FGGY: variants seen among roughly 807,000 people sequenced by gnomAD.
FGGY encodes the protein FGGY carbohydrate kinase domain containing.
A neutral mutation model predicts 71.3 loss-of-function variants in FGGY; 72 were observed. The observed-to-expected ratio is 1.01, with a 90% confidence interval of 0.84 to 1.23. The LOEUF is 1.23. FGGY is among the 50% of genes most tolerant of loss of function. The pLI, the probability that FGGY is intolerant of heterozygous loss-of-function variation, is 0.00. For missense variants in FGGY, 668 were observed against 682.3 expected, an observed-to-expected ratio of 0.98 and a Z score of 0.23; for synonymous variants, 251 against 250.3, an observed-to-expected ratio of 1.00 and a Z score of -0.02.
At chr1:59,694,934 T>A (rs1343911464) in intron 14 of FGGY, among the ~76,000 whole-genome samples, 1 of 152,220 alleles carries the variant, frequency 6.6e-6, no homozygotes, top group Non-Finnish European at 1.5e-5. Flanking sequence ...TTCCCAAATT[T>A]ACTTGATCGA....
chr1:59,710,830 T>C (rs989804858), intron 14 of FGGY, among the ~76,000 whole-genome samples: 2 of 152,196 alleles, frequency 1.3e-5, no homozygotes, highest in Admixed American at 6.5e-5. Flanking sequence ...GGAACACTTT[T>C]ACACTGTTTT....
At chr1:59,546,314 C>T (rs2095518590) in intron 7 of FGGY, among the ~76,000 whole-genome samples, 1 of 147,000 alleles carries the variant, frequency 6.8e-6, no homozygotes, top group Non-Finnish European at 1.5e-5. Context: ...TTCCAGTGCC[C>T]TTGCTTTGAA....
intron 11 of FGGY, among the ~76,000 whole-genome samples, chr1:59,658,066 C>T (rs1401661733): frequency 6.6e-6 from 1 of 152,128 alleles, no homozygotes; most frequent in Non-Finnish European, 1.5e-5. Context: ...GTTCACAGTG[C>T]TGAGTGAATT....
chr1:59,724,995 A>G (rs1472386714), intron 14 of FGGY, among the ~76,000 whole-genome samples: 1 of 152,108 alleles, frequency 6.6e-6, no homozygotes, highest in Non-Finnish European at 1.5e-5. Flanking sequence ...AATTTTTTTC[A>G]TGGATTATGC....
At chr1:59,674,160 T>A (rs1407385576) in intron 14 of FGGY, 27 bp downstream of exon 14, 1 of 1,573,836 alleles carries the variant, frequency 6.4e-7, no homozygotes, top group Admixed American at 1.7e-5. Context: ...GGGTGGGCTG[T>A]GGCTCCTCCC....
chr1:59,714,132 C>T (rs1352079416), intron 14 of FGGY, among the ~76,000 whole-genome samples: 2 of 152,100 alleles, frequency 1.3e-5, no homozygotes, highest in African/African-American at 4.8e-5. Flanking sequence ...AATAACATTC[C>T]CTTTCCTTCC....
At position 59,333,527 on chromosome 1, in the gene FGGY, G is replaced by A. The variant is rs374594744; in HGVS notation, c.202-6431G>A. ...CTGACTTCACAAAGTTATATAACTCGGAAATAGTAGAACCAGATTTCAGAC... is the reference window on the plus strand; with the variant it reads ...CTGACTTCACAAAGTTATATAACTCAGAAATAGTAGAACCAGATTTCAGAC... On this transcript the variant is annotated intron_variant, in intron 2 of 15. Transcript: ENST00000303721. Among the ~76,000 whole-genome samples, 8 of 152,146 alleles carry A rather than the reference G, an allele frequency of 5.3e-5. No individual in the cohort carries two copies. In the East Asian group the frequency reaches 7.7e-4, roughly 15 times the overall value.
At chr1:59,744,219 C>G (rs560501534) in intron 14 of FGGY, among the ~76,000 whole-genome samples, 1 of 152,250 alleles carries the variant, frequency 6.6e-6, no homozygotes, top group African/African-American at 2.4e-5. Context: ...AGTTAAGGCC[C>G]AAGCCATTCT....
At chr1:59,396,715 A>T (rs2153393535) in intron 5 of FGGY, among the ~76,000 whole-genome samples, 1 of 152,330 alleles carries the variant, frequency 6.6e-6, no homozygotes, top group East Asian at 1.9e-4. Flanking sequence ...CTAGGAAAGT[A>T]ATTTTTCTGA....
In FGGY at chr1:59,543,055, G is replaced by C. The variant is rs572673076; in HGVS notation, c.800-11069G>C. ...TAGAAGCAGAGATGTCATTTCAACTGCAGGTTTTGAAAAATGTCAGTGCAT... is the reference window on the plus strand; with the variant it reads ...TAGAAGCAGAGATGTCATTTCAACTCCAGGTTTTGAAAAATGTCAGTGCAT... On this transcript the variant is annotated intron_variant, in intron 7 of 15. Coordinates refer to ENST00000303721, the MANE Select transcript of FGGY (RefSeq NM_018291.5). Among the ~76,000 whole-genome samples, 18 of 152,236 alleles carry C rather than the reference G, an allele frequency of 1.2e-4. No individual in the cohort carries two copies. In the South Asian group the frequency reaches 3.5e-3, roughly 30 times the overall value.
intron 11 of FGGY, among the ~76,000 whole-genome samples, chr1:59,640,674 TAAAG>T (rs1572487164): frequency 6.9e-6 from 1 of 144,208 alleles, no homozygotes; most frequent in Non-Finnish European, 1.5e-5. Flanking sequence ...ATAGAGATAA[TAAAG>T]AGGTCATTTG....
intron 6 of FGGY, among the ~76,000 whole-genome samples, chr1:59,489,083 T>TA (rs1558100510): frequency 6.6e-6 from 1 of 152,130 alleles, no homozygotes; most frequent in South Asian, 2.1e-4. Context: ...AGGTTATTTT[T>TA]AAAAAATAAT....
chr1:59,676,360 T>C (rs2097435333), intron 14 of FGGY, among the ~76,000 whole-genome samples: 1 of 152,100 alleles, frequency 6.6e-6, no homozygotes, highest in African/African-American at 2.4e-5. Flanking sequence ...ATTTGTTTTT[T>C]CTTTAAAAAT....
At chr1:59,376,076 T>A (rs1204376467) in intron 4 of FGGY, among the ~76,000 whole-genome samples, 1 of 152,054 alleles carries the variant, frequency 6.6e-6, no homozygotes, top group African/African-American at 2.4e-5. Flanking sequence ...TGGAAATAGA[T>A]TTCAGGGACT....
chr1:59,550,105 T>A (rs2095585263), intron 7 of FGGY, among the ~76,000 whole-genome samples: 1 of 152,224 alleles, frequency 6.6e-6, no homozygotes, highest in South Asian at 2.1e-4. Context: ...ACTGTTTTTT[T>A]ATGCCTGTTT....
At chr1:59,442,826 G>A (rs1000104150) in intron 5 of FGGY, among the ~76,000 whole-genome samples, 1 of 152,110 alleles carries the variant, frequency 6.6e-6, no homozygotes, top group Non-Finnish European at 1.5e-5. Context: ...GAAATAATTC[G>A]TCCAACACTT....
intron 4 of FGGY, among the ~76,000 whole-genome samples, chr1:59,369,076 C>T (rs577887958): frequency 6.6e-6 from 1 of 152,270 alleles, no homozygotes; most frequent in South Asian, 2.1e-4. Context: ...TCAGTGGGTG[C>T]AGCGCACTGT....
chr1:59,644,389 C>G (rs2097068418), intron 11 of FGGY, among the ~76,000 whole-genome samples: 1 of 152,080 alleles, frequency 6.6e-6, no homozygotes, highest in South Asian at 2.1e-4. Flanking sequence ...GCCTGAAGCA[C>G]TGGACTAAAG....
In FGGY at chr1:59,620,825, C is replaced by T. The variant is rs75513424; in HGVS notation, c.1012-5163C>T. 8.3e-3 allele frequency among the ~76,000 whole-genome samples: 1,260 copies of T among 152,206 alleles called. 22 individuals are homozygous for T. Among genetic ancestry groups the T allele is most frequent in the African/African-American group, 0.029 (1,200 of 41,544 alleles). ...ACTTACCACTCCTATCCCAGCTCTT[C>T]ACGCTGTAGTTTGTGTGTGATATCT... On this transcript the variant is annotated intron_variant, in intron 9 of 15. Coordinates refer to ENST00000303721, the MANE Select transcript of FGGY (RefSeq NM_018291.5).
Sources: allele counts gnomAD v4.1 joint callset (sites outside exome capture counted in the v4.1 genomes callset), GRCh38; gene constraint gnomAD v4.1.1; transcripts MANE v1.5; gene names NCBI Gene and HGNC (gene_info 2026-07-23, HGNC 2026-07-21).